The following TMA16 variants were observed in gnomAD, a reference collection of about 807,000 sequenced individuals.
TMA16 encodes the protein translation machinery associated 16 homolog.
TMA16 carries 26 observed loss-of-function variants against 27.1 expected under a neutral mutation model. The ratio of observed to expected loss-of-function variants is 0.96; its 90% CI spans 0.70 to 1.33. TMA16 has a LOEUF of 1.33. Ranked by LOEUF, TMA16 falls within the 40% of genes most tolerant of loss-of-function variation. The probability of loss-of-function intolerance (pLI) is 0.00; values close to 1 mark genes in which losing one functional copy is unlikely to be tolerated. For missense variants in TMA16, 233 were observed against 241.4 expected (o/e 0.97, Z 0.23); for synonymous variants, 71 against 81.9 (o/e 0.87, Z 0.72).
intron 1 of TMA16, among the ~76,000 whole-genome samples, chr4:163,500,700 C>T (rs1049712938): frequency 5.9e-5 from 9 of 152,150 alleles, no homozygotes; most frequent in Admixed American, 6.5e-5. Flanking sequence ...GTAATCTATT[C>T]GCCTGCTCCT....
chr4:163,504,687 G>A (rs978541961), intron 1 of TMA16, among the ~76,000 whole-genome samples: 1 of 152,094 alleles, frequency 6.6e-6, no homozygotes, highest in African/African-American at 2.4e-5. Flanking sequence ...TAGTAGAGAT[G>A]GAGTTTTGCT....
At chr4:163,516,128 A>C (rs1403044931) in intron 5 of TMA16, 1 of 152,378 alleles carries the variant, frequency 6.6e-6, no homozygotes, top group African/African-American at 2.4e-5. Context: ...TGTAGCAGCC[A>C]GATGAGTTGG....
In TMA16 at chr4:163,519,420, G is replaced by A. The variant is rs1202281396; in HGVS notation, c.518G>A (p.Arg173Lys). 3 of 1,606,874 alleles carry A rather than the reference G, an allele frequency of 1.9e-6. No individual in the cohort carries two copies. Among genetic ancestry groups the A allele is most frequent in the Middle Eastern group, 1.7e-4 (1 of 6,042 alleles). The change falls in exon 7 of 7, where the codon AGG (arginine) becomes AAG (lysine). Residue 173 changes from arginine to lysine, a missense_variant. Coordinates refer to ENST00000358572, the MANE Select transcript of TMA16 (RefSeq NM_018352.3). ...ANDAIPKTCK[R>K]KTIITVDQDL... ...GATGCAATTCCCAAGACGTGCAAGA[G>A]GAAAACTATTATAACTGTAGACCAA... is the stretch of plus-strand genomic sequence containing the variant.
At chr4:163,518,049 T>A (rs1356708689) in intron 6 of TMA16, among the ~76,000 whole-genome samples, 4 of 152,126 alleles carry the variant, frequency 2.6e-5, no homozygotes, top group Non-Finnish European at 4.4e-5. Flanking sequence ...GTGTACTGTG[T>A]AATGTTGAGG....
At chr4:163,514,812 C>T (rs1465196671) in intron 4 of TMA16, among the ~76,000 whole-genome samples, 2 of 152,188 alleles carry the variant, frequency 1.3e-5, no homozygotes, top group African/African-American at 2.4e-5. Flanking sequence ...CTCAGCTTGG[C>T]TCATAGCCTG....
At chr4:163,517,265 A>C (rs1026258697) in intron 5 of TMA16, 169 bp from the exon 6 acceptor site, 51 of 621,640 alleles carry the variant, frequency 8.2e-5, no homozygotes, top group Middle Eastern at 3.9e-4. Flanking sequence ...GATTTTTCTT[A>C]AGTCATCTTA....
At position 163,507,031 on chromosome 4, in the gene TMA16, A is replaced by G; in HGVS notation, c.4-2A>G. 6.3e-7 allele frequency: 1 copy of G among 1,580,470 alleles called. No individual in the cohort carries two copies. Among genetic ancestry groups the G allele is most frequent in the Non-Finnish European group, 8.6e-7 (1 of 1,162,730 alleles). On this transcript the variant is annotated splice_acceptor_variant, in intron 1 of 6. Transcript: ENST00000358572. LOFTEE classifies it high-confidence loss of function. ...TGTGTCATGTGTTTTCATACATTTTAGCCCAAAGCACCAAAGGGAAAAAGT... is the reference window on the plus strand; with the variant it reads ...TGTGTCATGTGTTTTCATACATTTTGGCCCAAAGCACCAAAGGGAAAAAGT...
intron 2 of TMA16, among the ~76,000 whole-genome samples, chr4:163,509,839 A>G (rs540860939): frequency 7.2e-5 from 11 of 152,326 alleles, no homozygotes; most frequent in African/African-American, 2.4e-4. Flanking sequence ...GTATAGCAAC[A>G]TTTTGGCAAA....
intron 2 of TMA16, among the ~76,000 whole-genome samples, chr4:163,508,089 C>A (rs940315861): frequency 2.6e-5 from 4 of 151,960 alleles, no homozygotes; most frequent in Admixed American, 6.6e-5. Context: ...GTGATGATAG[C>A]AGTTTTGCTT....
chr4:163,500,472 A>C (rs1354882159), intron 1 of TMA16, among the ~76,000 whole-genome samples: 10 of 152,106 alleles, frequency 6.6e-5, no homozygotes, highest in Non-Finnish European at 1.2e-4. Flanking sequence ...CAGCTTCCCA[A>C]AGTGCTGGGG....
intron 6 of TMA16, 112 bp downstream of exon 6, chr4:163,517,588 T>TA (rs1447765889): frequency 1.0e-6 from 1 of 1,000,012 alleles, no homozygotes. Flanking sequence ...GGGTTTCTTT[T>TA]AACCTTTTCT....
chr4:163,498,919 A>G (rs1474089428), intron 1 of TMA16, among the ~76,000 whole-genome samples: 6 of 152,096 alleles, frequency 3.9e-5, no homozygotes, highest in Non-Finnish European at 7.4e-5. Flanking sequence ...TTGCCTCTCA[A>G]AAGTGTTGAG....
At chr4:163,517,328 T>C (rs2110814702) in intron 5 of TMA16, 106 bp from the exon 6 acceptor site, 2 of 1,130,168 alleles carry the variant, frequency 1.8e-6, no homozygotes, top group East Asian at 2.5e-5. Context: ...ACTTCGAAAT[T>C]TTGTTTTCTG....
Position 163,519,625 on chromosome 4 carries a change from TG to T in TMA16, c.*112del. The T allele has an allele frequency of 9.7e-7, 1 of 1,035,464 alleles. No homozygotes were observed. Among genetic ancestry groups the T allele is most frequent in the Non-Finnish European group, 1.4e-6 (1 of 735,342 alleles). 64.1% of individuals were successfully genotyped at this position (1,035,464 alleles called of 1,614,324 possible). ...AATTTGATACTGACATTCTCTTATA[TG>T]ATGAGAGTTTCATTTGCGTTTCAAA... On this transcript the variant is annotated 3_prime_UTR_variant, in exon 7 of 7. Transcript: ENST00000358572.
chr4:163,505,340 C>T (rs1737705422), intron 1 of TMA16, among the ~76,000 whole-genome samples: 2 of 152,118 alleles, frequency 1.3e-5, no homozygotes, highest in South Asian at 2.1e-4. Flanking sequence ...TTTCCTATAC[C>T]TGTAACCAAC....
chr4:163,518,591 G>A (rs909327111), intron 6 of TMA16, among the ~76,000 whole-genome samples: 1 of 152,084 alleles, frequency 6.6e-6, no homozygotes, highest in African/African-American at 2.4e-5. Context: ...ACCATGTTGA[G>A]GGGTCTTATA....
At chr4:163,508,387 C>A (rs182661709) in intron 2 of TMA16, among the ~76,000 whole-genome samples, 1 of 152,178 alleles carries the variant, frequency 6.6e-6, no homozygotes, top group Admixed American at 6.6e-5. Context: ...TTAGGGACCA[C>A]ACTATGAGAA....
At chr4:163,516,633 G>A (rs775491822) in intron 5 of TMA16, among the ~76,000 whole-genome samples, 37 of 152,192 alleles carry the variant, frequency 2.4e-4, no homozygotes, top group Non-Finnish European at 4.1e-4. Flanking sequence ...CAATTTAAGT[G>A]TATCATGCAT....
chr4:163,494,734 C>G lies in TMA16; in HGVS notation c.-68C>G. ...GCCCGGGTGCTCTTGTGAGCTGCTG[C>G]TCCTGCGGTTGGTGAGATTACCTGG... On this transcript the variant is annotated 5_prime_UTR_variant, in exon 1 of 7. Coordinates refer to ENST00000358572, the MANE Select transcript of TMA16 (RefSeq NM_018352.3). 6.2e-7 allele frequency: 1 copy of G among 1,611,040 alleles called. No individual in the cohort carries two copies. Among genetic ancestry groups the G allele is most frequent in the Non-Finnish European group, 8.5e-7 (1 of 1,178,332 alleles).
Sources: allele counts gnomAD v4.1 joint callset (sites outside exome capture counted in the v4.1 genomes callset), GRCh38; gene constraint gnomAD v4.1.1; transcripts MANE v1.5; gene names NCBI Gene and HGNC (gene_info 2026-07-23, HGNC 2026-07-21).